The following ATG10 variants were observed in gnomAD, a reference collection of about 807,000 sequenced individuals.
The protein encoded by ATG10 is ubiquitin-like-conjugating enzyme ATG10.
A neutral mutation model predicts 32.1 loss-of-function variants in ATG10; 30 were observed. The ratio of observed to expected loss-of-function variants is 0.94; its 90% confidence interval spans 0.70 to 1.27. The LOEUF is 1.27. ATG10 is among the 50% of genes most tolerant of loss of function. The probability of loss-of-function intolerance (pLI) is 0.00; values close to 1 mark genes in which losing one functional copy is unlikely to be tolerated. For synonymous variants in ATG10, 87 were observed against 91.5 expected (o/e 0.95, Z 0.28); for missense variants, 233 against 262.3 (o/e 0.89, Z 0.77).
intron 3 of ATG10, among the ~76,000 whole-genome samples, chr5:82,078,019 G>A (rs1270768261): frequency 6.6e-6 from 1 of 152,100 alleles, no homozygotes; most frequent in Non-Finnish European, 1.5e-5. Flanking sequence ...GAAAAATACT[G>A]ACTTTCTAAC....
chr5:82,135,090 T>G (rs1766669407), intron 3 of ATG10, among the ~76,000 whole-genome samples: 1 of 152,018 alleles, frequency 6.6e-6, no homozygotes, highest in South Asian at 2.1e-4. Context: ...TCATTTTTTA[T>G]TGTGTCTATT....
intron 3 of ATG10, among the ~76,000 whole-genome samples, chr5:82,153,707 G>A (rs1341213362): frequency 1.3e-5 from 2 of 152,128 alleles, no homozygotes; most frequent in Non-Finnish European, 2.9e-5. Context: ...CATAGATTTG[G>A]AGGTAAAATT....
chr5:82,139,955 C>CCT (rs1767006922), intron 3 of ATG10, among the ~76,000 whole-genome samples: 1 of 128,942 alleles, frequency 7.8e-6, no homozygotes, highest in African/African-American at 2.9e-5. Context: ...GTCAGCCCTC[C>CCT]GCCCGGCCAG....
intron 5 of ATG10, among the ~76,000 whole-genome samples, chr5:82,201,296 A>G (rs1745061231): frequency 6.6e-6 from 1 of 152,178 alleles, no homozygotes; most frequent in Non-Finnish European, 1.5e-5. Flanking sequence ...TTTTATTTTT[A>G]AGCTTATGTC....
intron 2 of ATG10, among the ~76,000 whole-genome samples, chr5:81,989,714 C>T (rs1382370409): frequency 1.3e-5 from 2 of 152,104 alleles, no homozygotes; most frequent in African/African-American, 2.4e-5. Flanking sequence ...TCTCCTGCCT[C>T]AGCCTCTTCG....
At chr5:82,138,840 TCCCTCCCCCTCCCCCTCCCCCTCC>T (rs1160758234) in intron 3 of ATG10, among the ~76,000 whole-genome samples, 12 of 18,300 alleles carry the variant, frequency 6.6e-4, no homozygotes, top group East Asian at 2.0e-3. Flanking sequence ...AGTCGAGCTC[TCCCTCCCCCTCCCCCTCCCCCTCC>T]CCCTCCCCCT....
chr5:82,065,339 A>T (rs1392253058), intron 3 of ATG10, among the ~76,000 whole-genome samples: 1 of 152,070 alleles, frequency 6.6e-6, no homozygotes, highest in Non-Finnish European at 1.5e-5. Context: ...AAATACAAAA[A>T]TTAGCTGGGC....
chr5:82,241,943 C>G (rs765290064), intron 5 of ATG10, among the ~76,000 whole-genome samples: 11 of 151,212 alleles, frequency 7.3e-5, no homozygotes, highest in Non-Finnish European at 1.5e-4. Flanking sequence ...ATATAAACTT[C>G]TTTGGTGGGA....
chr5:82,010,541 T>C (rs1332408114), intron 2 of ATG10, among the ~76,000 whole-genome samples: 3 of 152,218 alleles, frequency 2.0e-5, no homozygotes, highest in Non-Finnish European at 4.4e-5. Flanking sequence ...TTTAAGTCGA[T>C]CCATGATAGG....
At chr5:82,163,442 A>G (rs1743446546) in intron 3 of ATG10, among the ~76,000 whole-genome samples, 2 of 152,216 alleles carry the variant, frequency 1.3e-5, no homozygotes, top group Admixed American at 6.5e-5. Flanking sequence ...TTATCTCCAC[A>G]GGAAACCTTA....
At position 82,158,698 on chromosome 5, in the gene ATG10, C is replaced by A. The variant is rs539530186; in HGVS notation, c.217-5701C>A. Among the ~76,000 whole-genome samples, 7 of 152,016 alleles carry A rather than the reference C, an allele frequency of 4.6e-5. No individual in the cohort carries two copies. In the South Asian group the frequency reaches 8.3e-4, roughly 18 times the overall value. On this transcript the variant is annotated intron_variant, in intron 3 of 7. Coordinates refer to ENST00000282185, the MANE Select transcript of ATG10 (RefSeq NM_031482.5). The stretch of plus-strand genomic sequence containing the variant: ...GTATACCTAGGGCTCACTGTATACC[C>A]AAATCCTTTAAAAGTCACATAATAA...
At chr5:82,078,893 TC>T (rs1015639717) in intron 3 of ATG10, among the ~76,000 whole-genome samples, 4 of 151,754 alleles carry the variant, frequency 2.6e-5, no homozygotes, top group Admixed American at 6.6e-5. Flanking sequence ...CTATTTAGAG[TC>T]CCCCCTCTAC....
intron 2 of ATG10, among the ~76,000 whole-genome samples, chr5:82,056,680 A>G (rs183941067): frequency 1.9e-4 from 29 of 152,206 alleles, no homozygotes; most frequent in African/African-American, 6.5e-4. Flanking sequence ...GGGCAGGATC[A>G]GAGATCTGTG....
intron 4 of ATG10, among the ~76,000 whole-genome samples, chr5:82,167,665 A>T (rs887716771): frequency 1.3e-5 from 2 of 152,130 alleles, no homozygotes; most frequent in African/African-American, 4.8e-5. Context: ...CATCCTGAGG[A>T]CTCAAAAGTG....
At chr5:82,177,350 AC>A (rs1744071184) in intron 4 of ATG10, among the ~76,000 whole-genome samples, 1 of 152,262 alleles carries the variant, frequency 6.6e-6, no homozygotes, top group African/African-American at 2.4e-5. Flanking sequence ...TTCTACTTAT[AC>A]TTGAAAGTCT....
At chr5:82,022,688 G>C (rs1645435472) in intron 2 of ATG10, among the ~76,000 whole-genome samples, 1 of 142,618 alleles carries the variant, frequency 7.0e-6, no homozygotes, top group Non-Finnish European at 1.5e-5. Context: ...TAACTGTGCT[G>C]TTATTTACAT....
At chr5:82,199,969 A>G (rs558023592) in intron 5 of ATG10, among the ~76,000 whole-genome samples, 31 of 152,292 alleles carry the variant, frequency 2.0e-4, no homozygotes, top group Admixed American at 1.1e-3. Flanking sequence ...TCAATAGTTT[A>G]TAACTTTTTA....
At position 82,221,472 on chromosome 5, in the gene ATG10, C is replaced by T. The variant is rs190120413; in HGVS notation, c.454-31090C>T. On this transcript the variant is annotated intron_variant, in intron 5 of 7. Transcript: ENST00000282185. ...TGCCTTCTGGTTGCAGATCAGGTAC[C>T]AAGTGCAGTGATAATTTAGAAGACA... Among the ~76,000 whole-genome samples the T allele has an allele frequency of 4.3e-4, 66 of 152,124 alleles. No individual in the cohort carries two copies. The East Asian group carries it at 0.012, about 28-fold the overall frequency.
chr5:82,191,013 T>C (rs1744642889), intron 5 of ATG10, among the ~76,000 whole-genome samples: 2 of 152,296 alleles, frequency 1.3e-5, no homozygotes, highest in African/African-American at 4.8e-5. Context: ...TTAAAGGTTT[T>C]GTTAGATATT....
Sources: gnomAD v4.1 joint callset for allele counts (sites outside exome capture counted in the v4.1 genomes callset) on GRCh38, gnomAD v4.1.1 for gene constraint, MANE v1.5 for transcripts, NCBI Gene and HGNC (gene_info 2026-07-23, HGNC 2026-07-21) for gene names.